DTNA: variants seen among roughly 807,000 people sequenced by gnomAD.
DTNA encodes dystrophin-related protein 3.
A neutral mutation model predicts 100.7 loss-of-function variants in DTNA; 43 were observed. The observed-to-expected ratio is 0.43, with a 90% CI of 0.33 to 0.55. DTNA has a LOEUF of 0.55. DTNA is among the 20% of genes least tolerant of loss of function. DTNA has a pLI of 0.04. For missense variants in DTNA, 798 were observed against 953.9 expected (o/e 0.84, Z 2.15); for synonymous variants, 349 against 347.9 (o/e 1.00, Z -0.04).
intron 11 of DTNA, among the ~76,000 whole-genome samples, chr18:34,834,631 T>G (rs2096094510): frequency 6.6e-6 from 1 of 152,188 alleles, no homozygotes; most frequent in Non-Finnish European, 1.5e-5. Context: ...GGAAGCTGGT[T>G]TGTGCCAAGA....
chr18:34,749,147 C>G (rs999638609), intron 1 of DTNA, among the ~76,000 whole-genome samples: 3 of 152,056 alleles, frequency 2.0e-5, no homozygotes, highest in Admixed American at 6.6e-5. Flanking sequence ...ATCAATGCTA[C>G]TGATTTGTGT....
chr18:34,578,100 C>G (rs1009376643), intron 1 of DTNA, among the ~76,000 whole-genome samples: 2 of 151,842 alleles, frequency 1.3e-5, no homozygotes, highest in Admixed American at 1.3e-4. Context: ...TAGAAGTGTT[C>G]CCTCTTCACT....
intron 16 of DTNA, among the ~76,000 whole-genome samples, chr18:34,859,464 G>A (rs1340227995): frequency 6.6e-6 from 1 of 152,176 alleles, no homozygotes; most frequent in Non-Finnish European, 1.5e-5. Flanking sequence ...TGTAAATGAG[G>A]ACTTGGCCCA....
At chr18:34,711,886 G>T (rs1300054988) in intron 1 of DTNA, among the ~76,000 whole-genome samples, 1 of 152,084 alleles carries the variant, frequency 6.6e-6, no homozygotes, top group Non-Finnish European at 1.5e-5. Context: ...ATCTAATATT[G>T]TAAATGTTCA....
chr18:34,624,168 T>C (rs1203102982), intron 1 of DTNA, among the ~76,000 whole-genome samples: 1 of 152,148 alleles, frequency 6.6e-6, no homozygotes, highest in Non-Finnish European at 1.5e-5. Context: ...AGGTAGTCGG[T>C]TATGGATGGA....
chr18:34,702,554 G>C (rs974714458), intron 1 of DTNA, among the ~76,000 whole-genome samples: 1 of 152,102 alleles, frequency 6.6e-6, no homozygotes, highest in Admixed American at 6.6e-5. Flanking sequence ...ACAGGAAGGC[G>C]TTTGCTTTGA....
intron 3 of DTNA, among the ~76,000 whole-genome samples, chr18:34,774,228 CT>C (rs778847704): frequency 3.9e-5 from 6 of 152,250 alleles, no homozygotes; most frequent in Non-Finnish European, 7.3e-5. Flanking sequence ...TGACCTTCCC[CT>C]GGTGGCCTGC....
At chr18:34,737,288 T>C (rs976387542) in intron 1 of DTNA, among the ~76,000 whole-genome samples, 4 of 152,164 alleles carry the variant, frequency 2.6e-5, no homozygotes, top group African/African-American at 9.7e-5. Flanking sequence ...AACATATAGT[T>C]TAAATTGTGA....
chr18:34,571,477 A>G (rs2047581889), intron 1 of DTNA, among the ~76,000 whole-genome samples: 1 of 152,026 alleles, frequency 6.6e-6, no homozygotes, highest in South Asian at 2.1e-4. Flanking sequence ...GTGGTGGCTC[A>G]CCCCTGTAAT....
chr18:34,671,376 C>G (rs2076735689), intron 1 of DTNA, among the ~76,000 whole-genome samples: 1 of 152,190 alleles, frequency 6.6e-6, no homozygotes, highest in African/African-American at 2.4e-5. Flanking sequence ...CCTTGTGCTT[C>G]CCAGGTGAGG....
chr18:34,713,171 G>A (rs994346155), intron 1 of DTNA, among the ~76,000 whole-genome samples: 4 of 151,916 alleles, frequency 2.6e-5, no homozygotes, highest in Non-Finnish European at 5.9e-5. Flanking sequence ...TAATGATAAC[G>A]ACAATAATGA....
At chr18:34,717,614 A>G (rs969464504) in intron 1 of DTNA, among the ~76,000 whole-genome samples, 1 of 152,180 alleles carries the variant, frequency 6.6e-6, no homozygotes, top group East Asian at 1.9e-4. Context: ...TGTGTTGGAC[A>G]CTGACATTGA....
At chr18:34,762,394 T>G (rs1601604031) in intron 2 of DTNA, among the ~76,000 whole-genome samples, 2 of 152,170 alleles carry the variant, frequency 1.3e-5, no homozygotes, top group Admixed American at 1.3e-4. Context: ...TCTATCAACT[T>G]GGAGGAAGGC....
intron 17 of DTNA, among the ~76,000 whole-genome samples, chr18:34,874,520 T>C (rs1236095465): frequency 6.6e-6 from 1 of 152,212 alleles, no homozygotes; most frequent in Non-Finnish European, 1.5e-5. Context: ...TACTTTTTTC[T>C]TTACTTGTCT....
intron 3 of DTNA, among the ~76,000 whole-genome samples, chr18:34,772,266 T>C (rs1327666632): frequency 6.6e-6 from 1 of 152,222 alleles, no homozygotes; most frequent in Non-Finnish European, 1.5e-5. Context: ...TCAGAGTTTC[T>C]CAACATACTC....
chr18:34,658,230 A>G (rs2074671942), intron 1 of DTNA, among the ~76,000 whole-genome samples: 2 of 152,256 alleles, frequency 1.3e-5, no homozygotes, highest in Admixed American at 1.3e-4. Flanking sequence ...ATAATTTACT[A>G]GCAGTGACAA....
chr18:34,864,867 T>C (rs1349799005), intron 17 of DTNA, among the ~76,000 whole-genome samples: 1 of 152,240 alleles, frequency 6.6e-6, no homozygotes, highest in Non-Finnish European at 1.5e-5. Context: ...AGATGATTTA[T>C]AGAAGTCTTC....
At chr18:34,580,106 TC>T (rs2048475233) in intron 1 of DTNA, among the ~76,000 whole-genome samples, 1 of 152,176 alleles carries the variant, frequency 6.6e-6, no homozygotes, top group Non-Finnish European at 1.5e-5. Context: ...GCTGTTCAAC[TC>T]CCTGAATGAA....
chr18:34,711,629 A>G (rs1240685390), intron 1 of DTNA, among the ~76,000 whole-genome samples: 2 of 152,200 alleles, frequency 1.3e-5, no homozygotes, highest in Non-Finnish European at 1.5e-5. Context: ...ATAAAAGCCA[A>G]TAAATTTTCC....
Sources: allele counts gnomAD v4.1 joint callset (sites outside exome capture counted in the v4.1 genomes callset), GRCh38; gene constraint gnomAD v4.1.1; transcripts MANE v1.5; gene names NCBI Gene and HGNC (gene_info 2026-07-23, HGNC 2026-07-21).